The following EYA4 variants were observed in gnomAD, a reference collection of about 807,000 sequenced individuals.
The protein encoded by EYA4 is protein phosphatase EYA4.
In EYA4, 31 loss-of-function variants were observed where a neutral mutation model predicts 87.9. That is an observed-to-expected ratio of 0.35 (90% CI 0.27 to 0.48). The LOEUF is 0.48. Among genes scored for constraint, EYA4 ranks in the 20% least tolerant of loss-of-function variants. The pLI is 0.99. For missense variants in EYA4, 678 were observed against 761.4 expected (o/e 0.89, Z 1.29); for synonymous variants, 263 against 270.6 (o/e 0.97, Z 0.28).
chr6:133,341,544 T>G (rs1782779687), intron 2 of EYA4, among the ~76,000 whole-genome samples: 1 of 152,176 alleles, frequency 6.6e-6, no homozygotes, highest in African/African-American at 2.4e-5. Context: ...GATTTAGCTT[T>G]ATGGACTTCC....
chr6:133,375,212 T>C (rs1785583608), intron 2 of EYA4, among the ~76,000 whole-genome samples: 1 of 151,962 alleles, frequency 6.6e-6, no homozygotes, highest in Non-Finnish European at 1.5e-5. Flanking sequence ...CCTATGAAGA[T>C]CTTCACAACA....
chr6:133,261,672 G>A (rs748569059), intron 1 of EYA4, among the ~76,000 whole-genome samples: 3 of 152,270 alleles, frequency 2.0e-5, no homozygotes, highest in Middle Eastern at 3.4e-3. Flanking sequence ...TCAGTGGTTA[G>A]TATAATACTC....
At chr6:133,364,592 C>T (rs116816311) in intron 2 of EYA4, among the ~76,000 whole-genome samples, 1 of 152,218 alleles carries the variant, frequency 6.6e-6, no homozygotes, top group Non-Finnish European at 1.5e-5. Flanking sequence ...TAATTCTTAA[C>T]AGATTTACTG....
chr6:133,244,699 G>A (rs1774264337), intron 1 of EYA4, among the ~76,000 whole-genome samples: 1 of 151,192 alleles, frequency 6.6e-6, no homozygotes, highest in South Asian at 2.1e-4. Flanking sequence ...ACTTTGGGGT[G>A]TAAATAAATT....
rs1446619876 is a variant in EYA4, at chr6:133,512,725, G to C, written c.1286G>C (p.Cys429Ser). ...CTTTTCCAATGTTTTTAACAGGAGT[G>C]TGATCAAGTTCATATAGATGATGTT... Reference protein sequence around the residue: ...THLFFNDLEECDQVHIDDVSS... With the variant: ...THLFFNDLEESDQVHIDDVSS... The change falls in exon 15 of 20, where the codon TGT (cysteine) becomes TCT (serine). Residue 429 changes from cysteine (C) to serine (S), a missense_variant. Physicochemically the swap from Cys to Ser is moderately radical, Grantham distance 112. Transcript: ENST00000355286. The C allele has an allele frequency of 2.5e-6, 4 of 1,610,466 alleles. No individual in the cohort carries two copies. The highest frequency in any genetic ancestry group is 2.5e-6 in the Non-Finnish European group (3 of 1,176,756).
rs773456171 is a variant in EYA4 at position 133,462,760 on chromosome 6, G to A, written c.720G>A (p.Met240Ile). The A allele has an allele frequency of 6.2e-7, 1 of 1,613,628 alleles. No individual in the cohort carries two copies. The highest frequency in any genetic ancestry group is 1.1e-5 in the South Asian group (1 of 91,064). ...QPGQTPYSYQ[M>I]PGSSFAPSST... ...GCCAGACACCTTATTCTTACCAAAT[G>A]CCAGGTAAGTAGCTACACATGAAAC... is the stretch of plus-strand genomic sequence containing the variant. Residue 240 changes from methionine to isoleucine, a missense_variant, in exon 9 of 20, where the codon ATG becomes ATA. Met to Ile is a conservative substitution (Grantham distance 10, BLOSUM62 1). Transcript: ENST00000355286.
intron 2 of EYA4, among the ~76,000 whole-genome samples, chr6:133,283,151 G>A (rs542568329): frequency 2.6e-4 from 40 of 151,778 alleles, no homozygotes; most frequent in African/African-American, 7.0e-4. Flanking sequence ...AAAATTAGCC[G>A]GGCATGGTGA....
At chr6:133,407,251 G>GTTT (rs55910301) in intron 3 of EYA4, among the ~76,000 whole-genome samples, 1 of 130,846 alleles carries the variant, frequency 7.6e-6, no homozygotes, top group Non-Finnish European at 1.6e-5. Flanking sequence ...GGAGTCTAGG[G>GTTT]TTTTTTTTTT....
At chr6:133,505,530 A>T (rs1048385919) in intron 13 of EYA4, among the ~76,000 whole-genome samples, 4 of 152,180 alleles carry the variant, frequency 2.6e-5, no homozygotes, top group African/African-American at 9.7e-5. Context: ...ACATGTTTGG[A>T]TAGGGAGATT....
intron 2 of EYA4, among the ~76,000 whole-genome samples, chr6:133,362,362 A>G (rs1784511588): frequency 6.6e-6 from 1 of 152,122 alleles, no homozygotes; most frequent in Admixed American, 6.5e-5. Flanking sequence ...ATTGTCCTAG[A>G]ATGGGTTTGT....
intron 2 of EYA4, among the ~76,000 whole-genome samples, chr6:133,348,781 C>G (rs1783415603): frequency 6.6e-6 from 1 of 152,124 alleles, no homozygotes; most frequent in African/African-American, 2.4e-5. Flanking sequence ...CAACCTAGCT[C>G]AGAGGTTCAT....
intron 3 of EYA4, among the ~76,000 whole-genome samples, chr6:133,394,283 T>TA (rs1562369051): frequency 0.014 from 268 of 19,672 alleles, 28 homozygotes; most frequent in East Asian, 0.094. Flanking sequence ...TATAAGCTTG[T>TA]GTTTTTTTTT....
intron 13 of EYA4, among the ~76,000 whole-genome samples, chr6:133,491,951 CAAAAAAAAAAA>C (rs34316449): frequency 0.01 from 867 of 83,734 alleles, 19 homozygotes; most frequent in African/African-American, 0.036. Flanking sequence ...AACTCCGTCT[CAAAAAAAAAAA>C]AAAAAAAAAG....
chr6:133,318,282 A>T lies in EYA4; in HGVS notation c.33+43469A>T, dbSNP rs185607865. The stretch of plus-strand genomic sequence containing the variant: ...ATTGACTTCGCTGATGATAGAACTT[A>T]GGGGAAAATTATGAGAGGAATTACC... On this transcript the variant is annotated intron_variant, in intron 2 of 19. Coordinates refer to ENST00000355286, the MANE Select transcript of EYA4 (RefSeq NM_004100.5). Among the ~76,000 whole-genome samples, 558 of 152,284 alleles carry T rather than the reference A, an allele frequency of 3.7e-3. 4 individuals are homozygous for T. The highest frequency in any genetic ancestry group is 0.01 in the African/African-American group (428 of 41,572).
chr6:133,280,399 T>C (rs949436989), intron 2 of EYA4, among the ~76,000 whole-genome samples: 1 of 152,100 alleles, frequency 6.6e-6, no homozygotes, highest in Non-Finnish European at 1.5e-5. Flanking sequence ...AAAATAATAG[T>C]TTTTCTTTTT....
intron 2 of EYA4, among the ~76,000 whole-genome samples, chr6:133,284,327 C>A (rs1777861286): frequency 6.6e-6 from 1 of 152,124 alleles, no homozygotes; most frequent in Admixed American, 6.6e-5. Flanking sequence ...GTGCACACTA[C>A]CACAACAGGA....
At chr6:133,287,530 A>G (rs454953) in intron 2 of EYA4, among the ~76,000 whole-genome samples, 62,551 of 131,910 alleles carry the variant, frequency 0.47, 13,767 homozygotes, top group African/African-American at 0.58. Flanking sequence ...CTGGCTGAGA[A>G]GCACTGAGAC....
chr6:133,423,877 C>G (rs924716880), intron 3 of EYA4, among the ~76,000 whole-genome samples: 3 of 152,196 alleles, frequency 2.0e-5, no homozygotes, highest in Non-Finnish European at 4.4e-5. Flanking sequence ...CGCCTTTACC[C>G]AGGTTCTTGT....
intron 1 of EYA4, among the ~76,000 whole-genome samples, chr6:133,264,467 A>G (rs181002993): frequency 6.6e-6 from 1 of 152,370 alleles, no homozygotes; most frequent in East Asian, 1.9e-4. Flanking sequence ...GAAGGAGACC[A>G]TTACGTGGCT....
Sources: allele counts gnomAD v4.1 joint callset (sites outside exome capture counted in the v4.1 genomes callset), GRCh38; gene constraint gnomAD v4.1.1; transcripts MANE v1.5; gene names NCBI Gene and HGNC (gene_info 2026-07-23, HGNC 2026-07-21).